PDXDC1: variants seen among roughly 807,000 people sequenced by gnomAD.
The protein encoded by PDXDC1 is pyridoxal-dependent decarboxylase domain-containing protein 1.
PDXDC1 carries 42 observed loss-of-function variants against 100.1 expected under a neutral mutation model. The observed-to-expected ratio is 0.42, with a 90% CI of 0.33 to 0.54. PDXDC1 has a LOEUF of 0.54. Ranked by LOEUF, PDXDC1 falls within the 20% of genes least tolerant of loss-of-function variation. PDXDC1 has a pLI of 0.10. For missense variants in PDXDC1, 636 were observed against 979.2 expected, an observed-to-expected ratio of 0.65 and a Z score of 4.68; for synonymous variants, 260 against 371.7, an observed-to-expected ratio of 0.70 and a Z score of 3.46.
intron 16 of PDXDC1, among the ~76,000 whole-genome samples, chr16:15,132,044 AG>A (rs1213764627): frequency 5.3e-4 from 2 of 3,792 alleles, no homozygotes; most frequent in Admixed American, 3.0e-3. Flanking sequence ...AAGGAGGATA[AG>A]GGGGATAAGA....
chr16:15,059,666 G>A (rs777062016), intron 16 of PDXDC1, among the ~76,000 whole-genome samples: 2 of 152,114 alleles, frequency 1.3e-5, no homozygotes, highest in Admixed American at 1.3e-4. Flanking sequence ...TCCTACAACT[G>A]ACAGCTTTTT....
the PDXDC1 span, among the ~76,000 whole-genome samples, chr16:15,145,136 G>A: frequency 1.3e-5 from 2 of 152,330 alleles, no homozygotes; most frequent in Non-Finnish European, 2.9e-5. Context: ...CAGCCAGCAG[G>A]GTCCAGAGTG....
intron 16 of PDXDC1, chr16:15,128,349 G>A (rs1357072770): frequency 6.2e-7 from 1 of 1,607,358 alleles, no homozygotes; most frequent in Non-Finnish European, 8.5e-7. Context: ...CGCTCCGGCT[G>A]TCCACCCCAT....
chr16:15,122,147 G>T (rs565759426), intron 16 of PDXDC1, among the ~76,000 whole-genome samples: 1 of 152,102 alleles, frequency 6.6e-6, no homozygotes, highest in Non-Finnish European at 1.5e-5. Context: ...CTGGGCGACA[G>T]AGTGAGACTC....
chr16:15,059,707 G>A (rs573261104), intron 16 of PDXDC1, among the ~76,000 whole-genome samples: 1 of 152,312 alleles, frequency 6.6e-6, no homozygotes, highest in African/African-American at 2.4e-5. Context: ...TTGTTGGCAT[G>A]TAATTTATAA....
At chr16:15,047,915 T>C (rs1202245334) in intron 16 of PDXDC1, 9 of 1,613,220 alleles carry the variant, frequency 5.6e-6, no homozygotes, top group Non-Finnish European at 7.6e-6. Flanking sequence ...AGAATGGAGA[T>C]GGAGCCTGTT....
rs551523961 is a variant in PDXDC1, at chr16:15,053,220, T to C, written c.1399+23164T>C. ...CAAGGGCAGGCTGCCAGGGTTCCAATCCTGGCTTCACCACTCCCAGGATGT... is the reference window on the plus strand; with the variant it reads ...CAAGGGCAGGCTGCCAGGGTTCCAACCCTGGCTTCACCACTCCCAGGATGT... On this transcript the variant is annotated intron_variant, in intron 16 of 16. Transcript: ENST00000535621. Among the ~76,000 whole-genome samples the C allele has an allele frequency of 3.3e-5, 5 of 152,372 alleles. No individual in the cohort carries two copies. The East Asian group carries it at 9.6e-4, about 29-fold the overall frequency.
At chr16:15,039,237 C>T (rs770272784), downstream of PDXDC1, among the ~76,000 whole-genome samples, 1 of 152,184 alleles carries the variant, frequency 6.6e-6, no homozygotes. Flanking sequence ...GAAATATGTT[C>T]TGAATATCAA....
intron 16 of PDXDC1, among the ~76,000 whole-genome samples, chr16:15,089,675 G>A (rs2046045229): frequency 6.7e-6 from 1 of 149,458 alleles, no homozygotes; most frequent in African/African-American, 2.5e-5. Flanking sequence ...TGGCGGGCGA[G>A]TGTAGTCTCA....
intron 16 of PDXDC1, among the ~76,000 whole-genome samples, chr16:15,095,191 A>C (rs2046310624): frequency 6.6e-6 from 1 of 152,044 alleles, no homozygotes; most frequent in Non-Finnish European, 1.5e-5. Context: ...CAAAAGAGCC[A>C]CTGGCGTTCC....
chr16:15,064,165 TTTTTG>T (rs990062977), intron 16 of PDXDC1, among the ~76,000 whole-genome samples: 14 of 152,000 alleles, frequency 9.2e-5, no homozygotes, highest in Non-Finnish European at 1.8e-4. Context: ...GATAAATCGC[TTTTTG>T]TTTTTTTTTT....
intron 16 of PDXDC1, chr16:15,131,366 G>A (rs767543493): frequency 1.9e-6 from 3 of 1,584,462 alleles, no homozygotes; most frequent in Non-Finnish European, 2.6e-6. Context: ...TAGCCAAAGG[G>A]AAAGGGATTG....
At chr16:15,025,156 A>G (rs1262907947) in intron 13 of PDXDC1, 1 of 152,336 alleles carries the variant, frequency 6.6e-6, no homozygotes, top group Non-Finnish European at 1.5e-5. Flanking sequence ...AGAATTGACA[A>G]CTTCAGTGTT....
intron 16 of PDXDC1, chr16:15,044,226 G>A: frequency 1.4e-6 from 1 of 715,998 alleles, no homozygotes; most frequent in Non-Finnish European, 2.5e-6. Context: ...GCTGCTCCAA[G>A]TGGGTGTGCC....
At chr16:15,083,166 C>T (rs957525999) in intron 16 of PDXDC1, among the ~76,000 whole-genome samples, 2 of 152,040 alleles carry the variant, frequency 1.3e-5, no homozygotes, top group African/African-American at 2.4e-5. Context: ...TTTGGGAGGC[C>T]GAGGCAGGCA....
intron 6 of PDXDC1, among the ~76,000 whole-genome samples, chr16:15,008,532 A>G (rs2040979582): frequency 6.6e-6 from 1 of 152,064 alleles, no homozygotes; most frequent in African/African-American, 2.4e-5. Context: ...ACCAAAGATA[A>G]TTACTTGAAT....
At chr16:15,038,387 A>T (rs1394229005), downstream of PDXDC1, 2 of 618,212 alleles carry the variant, frequency 3.2e-6, no homozygotes, top group Non-Finnish European at 5.6e-6. Flanking sequence ...ACCCACACAC[A>T]TTTCCATCTA....
At chr16:15,046,888 G>T (rs375092762) in intron 16 of PDXDC1, among the ~76,000 whole-genome samples, 2 of 151,712 alleles carry the variant, frequency 1.3e-5, no homozygotes, top group African/African-American at 4.8e-5. Context: ...AACAAAAAGA[G>T]AACAAGAAAA....
intron 16 of PDXDC1, among the ~76,000 whole-genome samples, chr16:15,058,564 T>C (rs2044606394): frequency 6.6e-6 from 1 of 151,758 alleles, no homozygotes; most frequent in Admixed American, 6.6e-5. Context: ...CCATCTCTAC[T>C]AAAAATACAA....
Sources: gnomAD v4.1 joint callset for allele counts (sites outside exome capture counted in the v4.1 genomes callset) on GRCh38, gnomAD v4.1.1 for gene constraint, MANE v1.5 for transcripts, NCBI Gene and HGNC (gene_info 2026-07-23, HGNC 2026-07-21) for gene names.